Variants in ARMCX4 observed in about 807,000 individuals in gnomAD.
The protein encoded by ARMCX4 is armadillo repeat containing X-linked 4, also known as armadillo repeat-containing X-linked protein 4.
Under a neutral mutation model 34.7 loss-of-function variants are expected in ARMCX4, and 3 were observed. That is an observed-to-expected ratio of 0.09 (90% confidence interval 0.04 to 0.22). ARMCX4 has a LOEUF of 0.22. Among genes scored for constraint, ARMCX4 ranks in the 10% least tolerant of loss-of-function variants. The pLI is 1.00. For synonymous variants in ARMCX4, 513 were observed against 632.8 expected (o/e 0.81, Z 2.84); for missense variants, 1,448 against 1,720.8 (o/e 0.84, Z 2.81).
At chrX:101,453,396 A>G (rs1200222974) in intron 4 of ARMCX4, among the ~76,000 whole-genome samples, 1 of 112,085 alleles carries the variant, frequency 8.9e-6, no homozygotes, top group Non-Finnish European at 1.9e-5. Context: ...TCAAACTGAA[A>G]TGTGTAAACA....
intron 11 of ARMCX4, among the ~76,000 whole-genome samples, chrX:101,515,399 C>CTTTCTTTCTTTTTCTTTCTT (rs1556017504): frequency 3.7e-3 from 5 of 1,362 alleles, no homozygotes; most frequent in Non-Finnish European, 5.1e-3. Context: ...CTTTCCCTCC[C>CTTTCTTTCTTTTTCTTTCTT]TCCCTCCCTC....
intron 11 of ARMCX4, among the ~76,000 whole-genome samples, chrX:101,526,449 C>T (rs1275222706): frequency 3.6e-5 from 4 of 111,801 alleles, no homozygotes; most frequent in African/African-American, 1.3e-4. Flanking sequence ...AACCAGCTAA[C>T]GTCATAATGA....
At chrX:101,446,749 T>C (rs1931660144), downstream of ARMCX4, among the ~76,000 whole-genome samples, 1 of 109,507 alleles carries the variant, frequency 9.1e-6, no homozygotes, top group African/African-American at 3.3e-5. Context: ...AGGTCAGAAG[T>C]TCAAGACCAG....
At chrX:101,454,283 T>TA (rs1491420490) in intron 4 of ARMCX4, among the ~76,000 whole-genome samples, 1 of 107,131 alleles carries the variant, frequency 9.3e-6, no homozygotes, top group Admixed American at 1.0e-4. Context: ...TTTTTTTTTT[T>TA]ATTTTTTTTT....
upstream of ARMCX4, among the ~76,000 whole-genome samples, chrX:101,483,255 T>C (rs914297117): frequency 2.7e-5 from 3 of 110,909 alleles, no homozygotes; most frequent in Admixed American, 9.7e-5. Flanking sequence ...AAATATATCT[T>C]TGTGAAACTG....
chrX:101,493,444 C>T lies in ARMCX4; in HGVS notation c.4855C>T (p.Leu1619Phe). 8.7e-7 allele frequency: 1 copy of T among 1,148,295 alleles called. No homozygotes were observed. Among genetic ancestry groups the T allele is most frequent in the Non-Finnish European group, 1.1e-6 (1 of 869,955 alleles). The allele number at this position is 1,148,295 out of a possible 1,213,427, so 94.6% of individuals were successfully genotyped here. A position where few individuals can be genotyped will look rare whatever the true frequency, so the allele number is the denominator to read the frequency against. ...GSWGVAGGQV[L>F]GGARPGPADQ... ...CTGGGGTGTGGCTGGTGGCCAGGTC[C>T]TTGGGGGAGCTAGGCCGGGGCCTGC... is the stretch of plus-strand genomic sequence containing the variant. The change falls in exon 6 of 6, where the codon CTT becomes TTT. Residue 1619 changes from leucine (L) to phenylalanine (F), a missense_variant. Coordinates refer to ENST00000423738, the MANE Select transcript of ARMCX4 (RefSeq NM_001256155.3).
Position 101,492,825 on chromosome X carries a change from G to T in ARMCX4, c.4236G>T (p.Gly1412=). The stretch of plus-strand genomic sequence containing the variant: ...GGGCTGGTGGCCAGGCTGGTGGAGG[G>T]TCCAAGGTGGGGCCTGAAGACCAGT... ...WAGAGGQAGG[G]SKVGPEDQSS... The change falls in exon 6 of 6, where the codon GGG becomes GGT. Residue 1412 remains glycine (G), a synonymous_variant. Transcript: ENST00000423738. The T allele has an allele frequency of 8.7e-7, 1 of 1,154,778 alleles. No homozygotes were observed.
Position 101,485,464 on chromosome X carries a change from C to G in ARMCX4, c.-503C>G. On this transcript the variant is annotated 5_prime_UTR_variant, in exon 1 of 6. In the 5' UTR this introduces an upstream ATG that the reference lacks. Coordinates refer to ENST00000423738, the MANE Select transcript of ARMCX4 (RefSeq NM_001256155.3). ...CCTTCGTTGCAGTCGTCACTCGCAT[C>G]TGGCTACCAGCTCCCCGCTGCCCTG... 1 of 692,887 alleles carries G rather than the reference C, an allele frequency of 1.4e-6. No individual in the cohort carries two copies. The highest frequency in any genetic ancestry group is 1.7e-6 in the Non-Finnish European group (1 of 582,834). 57.1% of individuals were successfully genotyped at this position (692,887 alleles called of 1,213,427 possible).
intron 2 of ARMCX4, among the ~76,000 whole-genome samples, chrX:101,440,960 C>T (rs782247543): frequency 9.0e-5 from 10 of 110,989 alleles, no homozygotes; most frequent in Middle Eastern, 4.7e-3. Flanking sequence ...GGCTCATGCT[C>T]GGTGTGCTGC....
intron 2 of ARMCX4, among the ~76,000 whole-genome samples, chrX:101,422,896 C>T (rs1254964121): frequency 9.0e-6 from 1 of 110,653 alleles, no homozygotes; most frequent in African/African-American, 3.3e-5. Flanking sequence ...TTAAATTTTT[C>T]ATTTTTATTT....
At chrX:101,532,558 C>T (rs1935149349) in intron 12 of ARMCX4, 1 of 111,259 alleles carries the variant, frequency 9.0e-6, no homozygotes, top group Admixed American at 9.6e-5. Flanking sequence ...CCCAGGGATA[C>T]TCACTGGGGC....
chrX:101,496,746 C>G (rs1254868648), downstream of ARMCX4, among the ~76,000 whole-genome samples: 31 of 111,488 alleles, frequency 2.8e-4, no homozygotes, highest in African/African-American at 9.8e-4. Flanking sequence ...TCTCTCCCAC[C>G]CCATAGTGAG....
chrX:101,420,133 C>T (rs1929147268), intron 2 of ARMCX4, among the ~76,000 whole-genome samples: 2 of 111,687 alleles, frequency 1.8e-5, no homozygotes, highest in African/African-American at 3.2e-5. Flanking sequence ...GAGGCCGAGG[C>T]GGGTGGATCA....
At chrX:101,504,273 C>T (rs1406882036) in intron 7 of ARMCX4, among the ~76,000 whole-genome samples, 2 of 111,500 alleles carry the variant, frequency 1.8e-5, no homozygotes, top group African/African-American at 6.5e-5. Context: ...AATGCGGGCT[C>T]TTTTTTGGTT....
chrX:101,508,094 G>A lies in ARMCX4; in HGVS notation c.*1597-1270G>A, dbSNP rs782539665. On this transcript the variant is annotated intron_variant and NMD_transcript_variant, in intron 8 of 12. Coordinates refer to the ARMCX4 transcript ENST00000354842. Reference sequence around the variant, plus strand: ...TCAGGTCTATAGCCTAGAAGCAATAGTTTATACCATATAGCCCAGGTAGGT... The same window carrying A: ...TCAGGTCTATAGCCTAGAAGCAATAATTTATACCATATAGCCCAGGTAGGT... Among the ~76,000 whole-genome samples, 3 of 112,489 alleles carry A rather than the reference G, an allele frequency of 2.7e-5. No homozygotes were observed. The East Asian group carries it at 8.4e-4, about 31-fold the overall frequency.
upstream of ARMCX4, among the ~76,000 whole-genome samples, chrX:101,483,253 C>G (rs1556005794): frequency 1.8e-5 from 2 of 110,415 alleles, no homozygotes; most frequent in African/African-American, 6.6e-5. Context: ...GTAAATATAT[C>G]TTTGTGAAAC....
rs1933849785 is a variant in ARMCX4 at position 101,488,508 on chromosome X, A to G, written c.-82A>G. On this transcript the variant is annotated 5_prime_UTR_variant, in exon 6 of 6. Transcript: ENST00000423738. ...TGAAGACCAGCACCCTCACAGGCCTACACCCACAACTACCACTCTCTTTAC... is the reference window on the plus strand; with the variant it reads ...TGAAGACCAGCACCCTCACAGGCCTGCACCCACAACTACCACTCTCTTTAC... 5.2e-6 allele frequency: 6 copies of G among 1,150,455 alleles called. No homozygotes were observed. Among genetic ancestry groups the G allele is most frequent in the Non-Finnish European group, 6.9e-6 (6 of 869,762 alleles). 94.8% of individuals were successfully genotyped at this position (1,150,455 alleles called of 1,213,427 possible). A position where few individuals can be genotyped will look rare whatever the true frequency, so the allele number is the denominator to read the frequency against.
rs186398496 is a variant in ARMCX4, at chrX:101,492,291, G to A, written c.3702G>A (p.Glu1234=). ...TCGCTGGGAATCAGGCCATTGGAGA[G>A]CTTTGGGCTGCGGGTCAGGCCAGTG... is the stretch of plus-strand genomic sequence containing the variant. ...WALAGNQAIG[E]LWAAGQASDG... The change falls in exon 6 of 6, where the codon GAG becomes GAA. Residue 1234 remains glutamate (E), a synonymous_variant. Transcript: ENST00000423738. 563 of 1,141,654 alleles carry A rather than the reference G, an allele frequency of 4.9e-4. 3 individuals are homozygous for A. The African/African-American group carries it at 8.5e-3, about 17-fold the overall frequency. The allele number at this position is 1,141,654 out of a possible 1,213,427, so 94.1% of individuals were successfully genotyped here.
chrX:101,449,537 C>T (rs1931857205), downstream of ARMCX4, among the ~76,000 whole-genome samples: 1 of 112,007 alleles, frequency 8.9e-6, no homozygotes, highest in Non-Finnish European at 1.9e-5. Context: ...TTTTCAGCTC[C>T]AGAATTTCTG....
Sources: allele counts gnomAD v4.1 joint callset (sites outside exome capture counted in the v4.1 genomes callset), GRCh38; gene constraint gnomAD v4.1.1; transcripts MANE v1.5; gene names NCBI Gene and HGNC (gene_info 2026-07-23, HGNC 2026-07-21).